Variants in RANBP2 observed in about 807,000 individuals in gnomAD.
RANBP2 encodes the protein E3 SUMO-protein ligase RanBP2.
RANBP2 carries 57 observed loss-of-function variants against 303.6 expected under a neutral mutation model. The observed-to-expected ratio is 0.19, with a 90% CI of 0.15 to 0.23. The LOEUF is 0.23. Among genes scored for constraint, RANBP2 ranks in the 10% least tolerant of loss-of-function variants. The pLI, the probability that RANBP2 is intolerant of heterozygous loss-of-function variation, is 1.00. For synonymous variants in RANBP2, 1,167 were observed against 1,301.5 expected (o/e 0.90, Z 2.23); for missense variants, 3,138 against 3,780.8 (o/e 0.83, Z 4.46).
chr2:108,725,925 C>T (rs564470732), intron 1 of RANBP2, among the ~76,000 whole-genome samples: 1 of 152,180 alleles, frequency 6.6e-6, no homozygotes, highest in Admixed American at 6.5e-5. Flanking sequence ...AGTCTCTCAC[C>T]TCCTTGTTTA....
At chr2:109,354,009 C>A in the RANBP2 span, among the ~76,000 whole-genome samples, 1 of 152,134 alleles carries the variant, frequency 6.6e-6, no homozygotes, top group Non-Finnish European at 1.5e-5. Flanking sequence ...GACAGCAGGA[C>A]AAAGATGCAG....
At chr2:108,974,163 A>G in the RANBP2 span, among the ~76,000 whole-genome samples, 1 of 151,310 alleles carries the variant, frequency 6.6e-6, no homozygotes, top group Non-Finnish European at 1.5e-5. Flanking sequence ...CCCCGTCTCT[A>G]CTAAAAAATA....
chr2:109,147,279 G>A, the RANBP2 span, among the ~76,000 whole-genome samples: 3 of 152,146 alleles, frequency 2.0e-5, no homozygotes, highest in African/African-American at 7.2e-5. Context: ...GGGGTGTGGG[G>A]AGGTGGTGCT....
the RANBP2 span, among the ~76,000 whole-genome samples, chr2:108,956,217 G>T: frequency 6.6e-6 from 1 of 152,112 alleles, no homozygotes; most frequent in Non-Finnish European, 1.5e-5. Context: ...CTTCAGGCTG[G>T]TTCCCAATTT....
the RANBP2 span, among the ~76,000 whole-genome samples, chr2:109,091,558 C>A: frequency 6.6e-6 from 1 of 152,310 alleles, no homozygotes; most frequent in East Asian, 1.9e-4. Context: ...ATAAAATCGG[C>A]TCTGTCTAGG....
In RANBP2 at chr2:108,763,697, C is replaced by T. The variant is rs747771092; in HGVS notation, c.3158C>T (p.Thr1053Ile). 1.9e-6 allele frequency: 3 copies of T among 1,614,122 alleles called. No individual in the cohort carries two copies. Among genetic ancestry groups the T allele is most frequent in the East Asian group, 4.5e-5 (2 of 44,872 alleles). ...ACGTTTTCCTCACCACAGGTTGTGA[C>T]ACAGCCCCCTCCTGCAGCTTACAGT... ...DFTFSSPQVV[T>I]QPPPAAYSNS... The change falls in exon 20 of 29, where the codon ACA (threonine) becomes ATA (isoleucine). Residue 1053 changes from threonine (T) to isoleucine (I), a missense_variant. Physicochemically the swap from Thr to Ile is moderately conservative, Grantham distance 89. Transcript: ENST00000283195.
the RANBP2 span, among the ~76,000 whole-genome samples, chr2:109,215,045 A>G: frequency 6.6e-6 from 1 of 152,230 alleles, no homozygotes; most frequent in African/African-American, 2.4e-5. Flanking sequence ...ACTTCTAACC[A>G]GTAAAGCTGT....
chr2:108,938,127 CCA>C, the RANBP2 span, among the ~76,000 whole-genome samples: 1 of 152,174 alleles, frequency 6.6e-6, no homozygotes, highest in Non-Finnish European at 1.5e-5. Flanking sequence ...TCAGCAGAAC[CCA>C]CAGAGGCAGG....
the RANBP2 span, among the ~76,000 whole-genome samples, chr2:109,085,383 A>G: frequency 2.0e-5 from 3 of 152,096 alleles, no homozygotes; most frequent in Admixed American, 2.0e-4. Flanking sequence ...GGCTCACTGC[A>G]ATCTCCGCCT....
the RANBP2 span, among the ~76,000 whole-genome samples, chr2:109,742,376 G>A: frequency 3.7e-5 from 5 of 134,644 alleles, no homozygotes; most frequent in Non-Finnish European, 4.7e-5. Flanking sequence ...AGCCGAGACC[G>A]TGCCATTGCA....
At chr2:109,704,286 A>T in the RANBP2 span, among the ~76,000 whole-genome samples, 1 of 152,208 alleles carries the variant, frequency 6.6e-6, no homozygotes, top group African/African-American at 2.4e-5. Context: ...ATGGTGGCTC[A>T]TGCCTGTAAT....
chr2:108,843,127 G>A, the RANBP2 span, among the ~76,000 whole-genome samples: 3 of 152,042 alleles, frequency 2.0e-5, no homozygotes, highest in Non-Finnish European at 4.4e-5. Context: ...TATCTGTTTA[G>A]AGGACTTCTT....
chr2:108,865,608 T>C, the RANBP2 span, among the ~76,000 whole-genome samples: 4 of 152,224 alleles, frequency 2.6e-5, no homozygotes, highest in African/African-American at 9.6e-5. Context: ...ATGCCAGTCC[T>C]ATCCACTTTC....
the RANBP2 span, among the ~76,000 whole-genome samples, chr2:109,678,642 G>A: frequency 6.6e-6 from 1 of 152,224 alleles, no homozygotes; most frequent in African/African-American, 2.4e-5. Flanking sequence ...ATGAATTTAA[G>A]AGTCATAAAT....
chr2:109,695,068 A>G, the RANBP2 span, among the ~76,000 whole-genome samples: 11,786 of 152,012 alleles, frequency 0.078, 960 homozygotes, highest in African/African-American at 0.21. Flanking sequence ...TTTCCATTAT[A>G]CTATTGAGCC....
the RANBP2 span, chr2:109,141,625 T>G: frequency 6.5e-6 from 1 of 154,808 alleles, no homozygotes; most frequent in Non-Finnish European, 1.5e-5. Context: ...GAATTTAGGG[T>G]GCAGATCCCA....
the RANBP2 span, among the ~76,000 whole-genome samples, chr2:109,159,633 A>C: frequency 6.6e-6 from 1 of 152,226 alleles, no homozygotes; most frequent in East Asian, 1.9e-4. Context: ...CCTGTTAGGA[A>C]CTGGGTTGCA....
chr2:109,411,987 C>T, the RANBP2 span, among the ~76,000 whole-genome samples: 1 of 152,206 alleles, frequency 6.6e-6, no homozygotes, highest in Non-Finnish European at 1.5e-5. Context: ...GCCAAGGCCC[C>T]AGACCCCTGA....
chr2:109,628,936 G>A, the RANBP2 span, among the ~76,000 whole-genome samples: 1 of 152,200 alleles, frequency 6.6e-6, no homozygotes, highest in Middle Eastern at 3.4e-3. Context: ...GGGTGCAGTG[G>A]CTCACGCCTG....
Sources: allele counts gnomAD v4.1 joint callset (sites outside exome capture counted in the v4.1 genomes callset), GRCh38; gene constraint gnomAD v4.1.1; transcripts MANE v1.5; gene names NCBI Gene and HGNC (gene_info 2026-07-23, HGNC 2026-07-21).